ADARB1: variants seen among roughly 807,000 people sequenced by gnomAD.
ADARB1 encodes adenosine deaminase RNA specific B1.
Under a neutral mutation model 52.4 loss-of-function variants are expected in ADARB1, and 10 were observed. The observed-to-expected ratio is 0.19, with a 90% confidence interval of 0.12 to 0.32. ADARB1 has a LOEUF of 0.32. ADARB1 is among the 10% of genes least tolerant of loss of function. ADARB1 has a pLI of 1.00. For missense variants in ADARB1, 643 were observed against 922.3 expected (o/e 0.70, Z 3.92); for synonymous variants, 349 against 371.1 (o/e 0.94, Z 0.68).
rs560988967 is a variant in ADARB1 at position 45,225,382 on chromosome 21, T to C, written c.*3185T>C. 108 of 1,265,376 alleles carry C rather than the reference T, an allele frequency of 8.5e-5. 1 individual carries two copies. Among genetic ancestry groups the C allele is most frequent in the Admixed American group, 1.8e-4 (5 of 28,504 alleles). The allele number at this position is 1,265,376 out of a possible 1,614,324, so 78.4% of individuals were successfully genotyped here. On this transcript the variant is annotated 3_prime_UTR_variant, in exon 11 of 11. Transcript: ENST00000348831. ...CATCATCTTTTCCTATTTTGGAGAA[T>C]TTTTTGTAATTAAAAGCAATTATTT... is the stretch of plus-strand genomic sequence containing the variant.
rs866857554 is a variant in ADARB1, at chr21:45,156,375, A to G, written c.-47-15235A>G. On this transcript the variant is annotated intron_variant, in intron 2 of 10. Transcript: ENST00000348831. ...TCCATCCACCCACCCATCATCACCC[A>G]TCACCCATCATCCATCCATCCATCC... Among the ~76,000 whole-genome samples, 166 of 135,332 alleles carry G rather than the reference A, an allele frequency of 1.2e-3. No homozygotes were observed. In the Middle Eastern group the frequency reaches 0.018, roughly 15 times the overall value. The allele number at this position is 135,332 out of a possible 152,430, so 88.8% of individuals were successfully genotyped here.
intron 9 of ADARB1, among the ~76,000 whole-genome samples, chr21:45,217,726 AC>A (rs2092893363): frequency 6.6e-6 from 1 of 152,124 alleles, no homozygotes; most frequent in Non-Finnish European, 1.5e-5. Context: ...ACTTCCTTTT[AC>A]ATTCCTTGTA....
intron 1 of ADARB1, among the ~76,000 whole-genome samples, chr21:45,104,305 T>C (rs1315916507): frequency 1.3e-5 from 2 of 152,214 alleles, no homozygotes; most frequent in East Asian, 3.8e-4. Flanking sequence ...GTCCGGGTGC[T>C]GTCAGCTTGG....
At chr21:45,154,060 A>G (rs2090437246) in intron 2 of ADARB1, among the ~76,000 whole-genome samples, 1 of 152,264 alleles carries the variant, frequency 6.6e-6, no homozygotes, top group South Asian at 2.1e-4. Context: ...TGAGAAGTAC[A>G]AGAATAATTC....
chr21:45,218,947 A>G (rs1290980493), intron 9 of ADARB1, among the ~76,000 whole-genome samples: 2 of 152,246 alleles, frequency 1.3e-5, no homozygotes, highest in African/African-American at 2.4e-5. Context: ...TCCATGTGAT[A>G]TGAATTATCA....
chr21:45,082,383 T>C (rs2086187138), intron 1 of ADARB1, among the ~76,000 whole-genome samples: 1 of 152,146 alleles, frequency 6.6e-6, no homozygotes, highest in African/African-American at 2.4e-5. Flanking sequence ...CATCATAAAG[T>C]AAAAAAATCA....
chr21:45,112,080 A>G (rs999768825), intron 1 of ADARB1, among the ~76,000 whole-genome samples: 2 of 152,220 alleles, frequency 1.3e-5, no homozygotes, highest in Non-Finnish European at 2.9e-5. Flanking sequence ...GGACCTGCTT[A>G]CTAGTGAGAT....
rs1257456204 is a variant in ADARB1 at position 45,142,887 on chromosome 21, G to T, written c.-48+14314G>T. Among the ~76,000 whole-genome samples the T allele has an allele frequency of 1.3e-5, 2 of 152,152 alleles. No homozygotes were observed. Among genetic ancestry groups the T allele is most frequent in the Admixed American group, 6.5e-5 (1 of 15,284 alleles). On this transcript the variant is annotated intron_variant, in intron 2 of 10. Transcript: ENST00000348831. This position sits in a 1 kb window ranked among gnomAD's most constrained non-coding sequence, Gnocchi z 4.0. ...GCTTTGACCAGGGGGACCAGCTAGT[G>T]ACTCTGTGCTGGTTACTACTTTACC... is the stretch of plus-strand genomic sequence containing the variant.
chr21:45,125,134 C>T (rs868775531), intron 1 of ADARB1, among the ~76,000 whole-genome samples: 2 of 152,172 alleles, frequency 1.3e-5, no homozygotes, highest in African/African-American at 4.8e-5. Context: ...CTTCATTTAA[C>T]CTAAGCTTAC....
At chr21:45,086,644 T>C (rs1601262465) in intron 1 of ADARB1, among the ~76,000 whole-genome samples, 1 of 152,252 alleles carries the variant, frequency 6.6e-6, no homozygotes, top group Non-Finnish European at 1.5e-5. Context: ...CATCCGTGTG[T>C]TGTAGAACAT....
At position 45,225,167 on chromosome 21, in the gene ADARB1, A is replaced by T. The variant is rs932257721; in HGVS notation, c.*2970A>T. 5.8e-6 allele frequency: 6 copies of T among 1,033,316 alleles called. No individual in the cohort carries two copies. Among genetic ancestry groups the T allele is most frequent in the African/African-American group, 3.4e-5 (2 of 59,160 alleles). 64.0% of individuals were successfully genotyped at this position (1,033,316 alleles called of 1,614,324 possible). A position where few individuals can be genotyped will look rare whatever the true frequency, so the allele number is the denominator to read the frequency against. On this transcript the variant is annotated 3_prime_UTR_variant, in exon 11 of 11. Coordinates refer to ENST00000348831, the MANE Select transcript of ADARB1 (RefSeq NM_001112.4). ...CCACTCAGGTACAGCTCTGCCAGGGACAGAGTCCTGCTAGTGGGAGGTCTC... is the reference window on the plus strand; with the variant it reads ...CCACTCAGGTACAGCTCTGCCAGGGTCAGAGTCCTGCTAGTGGGAGGTCTC...
Position 45,180,338 on chromosome 21 carries a change from T to C in ADARB1, c.972T>C (p.Ala324=). The C allele has an allele frequency of 1.2e-6, 2 of 1,613,890 alleles. No individual in the cohort carries two copies. Among genetic ancestry groups the C allele is most frequent in the Non-Finnish European group, 1.7e-6 (2 of 1,179,848 alleles). The change falls in exon 5 of 11, where the codon GCT becomes GCC. Residue 324 remains alanine (A), a synonymous_variant. Coordinates refer to ENST00000348831, the MANE Select transcript of ADARB1 (RefSeq NM_001112.4). ...GLQLHLPQVL[A]DAVSRLVLGK... ...CTGTGCTTCCCACACAGGTTTTAGC[T>C]GACGCTGTCTCACGCCTGGTCCTGG...
intron 2 of ADARB1, among the ~76,000 whole-genome samples, chr21:45,170,000 A>G (rs901194201): frequency 3.3e-5 from 5 of 151,956 alleles, no homozygotes; most frequent in African/African-American, 1.2e-4. Flanking sequence ...CCTACATCTC[A>G]CCTCCCATTC....
intron 1 of ADARB1, among the ~76,000 whole-genome samples, chr21:45,090,526 C>T (rs560243263): frequency 1.3e-5 from 2 of 152,224 alleles, no homozygotes; most frequent in African/African-American, 2.4e-5. Context: ...TTCAAGCTAC[C>T]GATGAGCTGT....
chr21:45,103,875 CAAAT>C (rs1161255548), intron 1 of ADARB1, among the ~76,000 whole-genome samples: 1 of 152,148 alleles, frequency 6.6e-6, no homozygotes, highest in African/African-American at 2.4e-5. Context: ...TCTTCTGCTC[CAAAT>C]AAATAATTAT....
At chr21:45,184,772 T>C in intron 7 of ADARB1, 151 bp from the exon 8 acceptor site, 2 of 890,888 alleles carry the variant, frequency 2.2e-6, no homozygotes, top group Admixed American at 2.5e-5. Flanking sequence ...CATACTTATT[T>C]TGTATGTGTA....
intron 2 of ADARB1, among the ~76,000 whole-genome samples, chr21:45,168,057 G>A (rs890685334): frequency 3.3e-5 from 5 of 151,938 alleles, no homozygotes; most frequent in Non-Finnish European, 7.4e-5. Flanking sequence ...GGTGTGCAGC[G>A]GAGTTATCTC....
chr21:45,137,697 G>C (rs2145878103), intron 2 of ADARB1, among the ~76,000 whole-genome samples: 1 of 152,350 alleles, frequency 6.6e-6, no homozygotes, highest in Middle Eastern at 3.4e-3. Flanking sequence ...GAACAGCCTG[G>C]TGGGTGTGGA....
chr21:45,132,536 A>G (rs897285357), intron 2 of ADARB1, among the ~76,000 whole-genome samples: 7 of 152,200 alleles, frequency 4.6e-5, no homozygotes, highest in Non-Finnish European at 8.8e-5. Flanking sequence ...CATAAGTTAT[A>G]GAACAGGGAC....
Sources: allele counts gnomAD v4.1 joint callset (sites outside exome capture counted in the v4.1 genomes callset), GRCh38; gene constraint gnomAD v4.1.1; non-coding constraint Gnocchi (gnomAD v3.1); transcripts MANE v1.5; gene names NCBI Gene and HGNC (gene_info 2026-07-23, HGNC 2026-07-21).